Variants in PLA2R1 observed in about 807,000 individuals in gnomAD.
PLA2R1 encodes phospholipase A2 receptor 1.
PLA2R1 carries 158 observed loss-of-function variants against 195.9 expected under a neutral mutation model. The observed-to-expected ratio is 0.81, with a 90% CI of 0.71 to 0.92. The LOEUF is 0.92. PLA2R1 is among the 40% of genes least tolerant of loss of function. PLA2R1 has a pLI of 0.00. For missense variants in PLA2R1, 1,626 were observed against 1,764.6 expected (o/e 0.92, Z 1.41); for synonymous variants, 586 against 598.2 (o/e 0.98, Z 0.30).
intron 1 of PLA2R1, among the ~76,000 whole-genome samples, chr2:160,053,630 C>T (rs1386678741): frequency 7.2e-5 from 11 of 152,222 alleles, no homozygotes; most frequent in Non-Finnish European, 1.0e-4. Flanking sequence ...CAAATACTGC[C>T]TTGCACTGCC....
chr2:159,955,697 C>A lies in PLA2R1; in HGVS notation c.3153+1G>T. 7.1e-7 allele frequency: 1 copy of A among 1,416,902 alleles called. No individual in the cohort carries two copies. Among genetic ancestry groups the A allele is most frequent in the Non-Finnish European group, 9.4e-7 (1 of 1,062,598 alleles). 87.8% of individuals were successfully genotyped at this position (1,416,902 alleles called of 1,614,324 possible). A position where few individuals can be genotyped will look rare whatever the true frequency, so the allele number is the denominator to read the frequency against. On this transcript the variant is annotated splice_donor_variant, in intron 22 of 29. Transcript: ENST00000283243. LOFTEE classifies it high-confidence loss of function. ...TCCAAAAAATAAATCTTAAAACTTA[C>A]ATTTATTATATCAAATGGAGACCAG...
chr2:160,044,832 A>G lies in PLA2R1; in HGVS notation c.435T>C (p.Ile145=), dbSNP rs772946770. ...CTGACCCATAAGAAATCCACTTATGAATATACTTCCGTGAGGCCACCACTG... is the reference window on the plus strand; with the variant it reads ...CTGACCCATAAGAAATCCACTTATGGATATACTTCCGTGAGGCCACCACTG... The part of the protein sequence containing the change: ...DNTVVASRKY[I]HKWISYGSGG... Residue 145 remains isoleucine, a synonymous_variant, in exon 2 of 30, where the codon ATT becomes ATC. Transcript: ENST00000283243. 2 of 1,613,160 alleles carry G rather than the reference A, an allele frequency of 1.2e-6. No individual in the cohort carries two copies. Among genetic ancestry groups the G allele is most frequent in the Non-Finnish European group, 1.7e-6 (2 of 1,179,080 alleles).
intron 11 of PLA2R1, among the ~76,000 whole-genome samples, chr2:159,998,023 A>G (rs1691343090): frequency 6.6e-6 from 1 of 152,034 alleles, no homozygotes; most frequent in Admixed American, 6.6e-5. Context: ...AATTTTTTTT[A>G]AAAACATTTA....
At chr2:159,924,998 T>C in the PLA2R1 span, among the ~76,000 whole-genome samples, 3 of 152,180 alleles carry the variant, frequency 2.0e-5, no homozygotes, top group East Asian at 5.8e-4. Context: ...GGCAATACGA[T>C]GTGGATAACT....
intron 13 of PLA2R1, among the ~76,000 whole-genome samples, chr2:159,980,269 G>A (rs1450713684): frequency 6.6e-6 from 1 of 152,128 alleles, no homozygotes; most frequent in Non-Finnish European, 1.5e-5. Context: ...GTGGGTAAAA[G>A]TCAGCTTTTA....
Position 159,947,500 on chromosome 2 carries a change from A to G in PLA2R1, c.3769T>C (p.Phe1257Leu), listed in dbSNP as rs968088509. ...CSETSIPWIKFKSNCYSFSTV... is the reference protein window; with the variant it reads ...CSETSIPWIKLKSNCYSFSTV... ...GAAAAACTGTAGCAATTACTTTTAA[A>G]TTTTATCCAGGGAATAGATGTTTCT... Residue 1257 changes from phenylalanine to leucine, a missense_variant, in exon 26 of 30, where the codon TTT becomes CTT. By Grantham distance (22) the Phe-to-Leu change is conservative. Coordinates refer to ENST00000283243, the MANE Select transcript of PLA2R1 (RefSeq NM_007366.5). 4 of 1,613,276 alleles carry G rather than the reference A, an allele frequency of 2.5e-6. No individual in the cohort carries two copies. Among genetic ancestry groups the G allele is most frequent in the Non-Finnish European group, 3.4e-6 (4 of 1,179,438 alleles).
At chr2:159,998,909 C>G (rs765293593) in intron 11 of PLA2R1, among the ~76,000 whole-genome samples, 42 of 152,118 alleles carry the variant, frequency 2.8e-4, no homozygotes, top group Non-Finnish European at 5.1e-4. Flanking sequence ...ATACTTCTTA[C>G]AACACTCACC....
At chr2:160,058,639 GC>G (rs995482256) in intron 1 of PLA2R1, among the ~76,000 whole-genome samples, 8 of 151,816 alleles carry the variant, frequency 5.3e-5, no homozygotes, top group African/African-American at 1.9e-4. Context: ...CTTTCTCCCC[GC>G]TGTCCACTTT....
intron 10 of PLA2R1, among the ~76,000 whole-genome samples, chr2:160,009,971 A>T (rs969703587): frequency 3.3e-5 from 5 of 152,076 alleles, no homozygotes; most frequent in African/African-American, 1.2e-4. Context: ...TTAGCCAGGC[A>T]TGGTGGTACA....
At chr2:160,026,835 T>C (rs1009093790) in intron 6 of PLA2R1, among the ~76,000 whole-genome samples, 3 of 152,306 alleles carry the variant, frequency 2.0e-5, no homozygotes, top group African/African-American at 7.2e-5. Flanking sequence ...TGAAATCCTT[T>C]TTGAACTTGG....
At chr2:159,963,128 G>A (rs965494500) in intron 20 of PLA2R1, among the ~76,000 whole-genome samples, 4 of 152,212 alleles carry the variant, frequency 2.6e-5, no homozygotes, top group Admixed American at 1.3e-4. Flanking sequence ...TACCAGAAAT[G>A]TGATTTGGAG....
intron 11 of PLA2R1, among the ~76,000 whole-genome samples, chr2:159,996,999 G>A (rs1691256971): frequency 1.3e-5 from 2 of 152,030 alleles, no homozygotes; most frequent in African/African-American, 4.8e-5. Flanking sequence ...TGCTTGTCTG[G>A]TAATTTCAAC....
Position 159,987,183 on chromosome 2 carries a change from T to A in PLA2R1, c.2010A>T (p.Ser670=). The A allele has an allele frequency of 6.2e-7, 1 of 1,614,050 alleles. No individual in the cohort carries two copies. The highest frequency in any genetic ancestry group is 1.1e-5 in the South Asian group (1 of 91,074). Residue 670 remains serine (S), a synonymous_variant, in exon 12 of 30, where the codon TCA becomes TCT. Transcript: ENST00000283243. ...TGAAGCAACTGGCCAGACCAGGCTC[T>A]GACTCCCAGTCCAAATAGCAGGGGT... ...PFHPCYLDWE[S]EPGLASCFKV...
chr2:159,988,894 T>G (rs940680317), intron 11 of PLA2R1, among the ~76,000 whole-genome samples: 3 of 152,108 alleles, frequency 2.0e-5, no homozygotes, highest in Admixed American at 6.5e-5. Flanking sequence ...TCTTTAGGAA[T>G]GGAATAATTT....
chr2:159,947,661 A>G (rs1179812512), intron 25 of PLA2R1, 102 bp from the exon 26 acceptor site: 3 of 1,145,022 alleles, frequency 2.6e-6, no homozygotes, highest in Non-Finnish European at 3.8e-6. Flanking sequence ...AAATATATGT[A>G]ACAAGATTTT....
Position 159,932,874 on chromosome 2 carries a change from T to G in PLA2R1, c.*8904A>C, listed in dbSNP as rs1361561482. 1 of 152,134 alleles carries G rather than the reference T, an allele frequency of 6.6e-6. No homozygotes were observed. The highest frequency in any genetic ancestry group is 1.5e-5 in the Non-Finnish European group (1 of 68,020). The allele number at this position is 152,134 out of a possible 1,614,324, so 9.4% of individuals were successfully genotyped here. A position where few individuals can be genotyped will look rare whatever the true frequency, so the allele number is the denominator to read the frequency against. On this transcript the variant is annotated 3_prime_UTR_variant, in exon 30 of 30. Transcript: ENST00000283243. ...GAAAAATATCCAGGAACATATACAT[T>G]GGATCTAATATAAATAAGAGACTTA...
chr2:160,062,419 T>A lies in PLA2R1; in HGVS notation c.-16A>T, dbSNP rs772389901. The A allele has an allele frequency of 1.2e-5, 18 of 1,531,612 alleles. No individual in the cohort carries two copies. The highest frequency in any genetic ancestry group is 1.6e-5 in the Non-Finnish European group (18 of 1,139,302). 94.9% of individuals were successfully genotyped at this position (1,531,612 alleles called of 1,614,324 possible). A position where few individuals can be genotyped will look rare whatever the true frequency, so the allele number is the denominator to read the frequency against. ...ACAGCAGCATCGCTAACCACTGGGCTCTCCGGGAGCCCCTTGTCCCGGGAG... is the reference window on the plus strand; with the variant it reads ...ACAGCAGCATCGCTAACCACTGGGCACTCCGGGAGCCCCTTGTCCCGGGAG... On this transcript the variant is annotated 5_prime_UTR_variant, in exon 1 of 30. Transcript: ENST00000283243.
chr2:159,996,811 A>C (rs1488038395), intron 11 of PLA2R1, among the ~76,000 whole-genome samples: 1 of 152,098 alleles, frequency 6.6e-6, no homozygotes. Context: ...TGCCCAGTCT[A>C]CTATAAGGTC....
At chr2:160,013,550 A>T (rs1332527483) in intron 9 of PLA2R1, among the ~76,000 whole-genome samples, 175 bp from the exon 10 acceptor site, 1 of 152,138 alleles carries the variant, frequency 6.6e-6, no homozygotes, top group Admixed American at 6.6e-5. Context: ...GCCATTAACT[A>T]CACCCACTTC....
Sources: gnomAD v4.1 joint callset for allele counts (sites outside exome capture counted in the v4.1 genomes callset) on GRCh38, gnomAD v4.1.1 for gene constraint, MANE v1.5 for transcripts, NCBI Gene and HGNC (gene_info 2026-07-23, HGNC 2026-07-21) for gene names.